Variants in GPC3 observed in about 807,000 individuals in gnomAD.
GPC3 encodes glypican-3.
A neutral mutation model predicts 34.4 loss-of-function variants in GPC3; 3 were observed. The ratio of observed to expected loss-of-function variants is 0.09; its 90% confidence interval spans 0.04 to 0.23. The LOEUF (loss-of-function observed/expected upper bound fraction) is 0.23, where lower values mean the gene tolerates loss of function less well. GPC3 is among the 10% of genes least tolerant of loss of function. The pLI, the probability that GPC3 is intolerant of heterozygous loss-of-function variation, is 1.00. For synonymous variants in GPC3, 177 were observed against 174.0 expected (o/e 1.02, Z -0.13); for missense variants, 351 against 445.6 (o/e 0.79, Z 1.91).
chrX:133,827,786 GA>G (rs1050551560), intron 2 of GPC3, among the ~76,000 whole-genome samples: 12 of 105,048 alleles, frequency 1.1e-4, no homozygotes, highest in African/African-American at 4.2e-4. Context: ...CCATCTCAAA[GA>G]AAAAAAAATT....
intron 2 of GPC3, among the ~76,000 whole-genome samples, chrX:133,884,331 G>A (rs1207318406): frequency 9.0e-6 from 1 of 111,481 alleles, no homozygotes; most frequent in African/African-American, 3.3e-5. Context: ...CATTCCTCCA[G>A]ACTGCAACAA....
chrX:133,847,300 T>C (rs1271218318), intron 2 of GPC3, among the ~76,000 whole-genome samples: 2 of 112,110 alleles, frequency 1.8e-5, no homozygotes. Flanking sequence ...TGGGCACAGA[T>C]ATCTTTTTAA....
intron 6 of GPC3, among the ~76,000 whole-genome samples, chrX:133,617,445 C>T (rs759606381): frequency 4.3e-4 from 48 of 112,135 alleles, no homozygotes; most frequent in Non-Finnish European, 6.8e-4. Flanking sequence ...TCCTTGTCTG[C>T]AATGGTATTA....
chrX:133,839,927 CAAAAAA>C (rs138981758), intron 2 of GPC3, among the ~76,000 whole-genome samples: 4 of 50,087 alleles, frequency 8.0e-5, no homozygotes, highest in East Asian at 1.3e-3. Flanking sequence ...GACTCCGTTT[CAAAAAA>C]AAAAAAAAAA....
intron 6 of GPC3, among the ~76,000 whole-genome samples, chrX:133,598,790 A>G (rs2069949494): frequency 8.9e-6 from 1 of 111,828 alleles, no homozygotes; most frequent in South Asian, 3.7e-4. Context: ...ATTTTGTATC[A>G]TCATCCATGG....
rs746408743 is a variant in GPC3, at chrX:133,627,278, C to T, written c.1414-30679G>A. Among the ~76,000 whole-genome samples the T allele has an allele frequency of 2.0e-3, 220 of 109,472 alleles. 1 individual carries two copies. The highest frequency in any genetic ancestry group is 4.7e-3 in the Middle Eastern group (1 of 215). ...TGTATACATATGTAACAAACCTGCA[C>T]GCTGTGCACATGTACCCTAAAACTT... On this transcript the variant is annotated intron_variant, in intron 6 of 7. Coordinates refer to ENST00000370818, the MANE Select transcript of GPC3 (RefSeq NM_004484.4).
At chrX:133,735,460 C>T (rs1194055872) in intron 3 of GPC3, among the ~76,000 whole-genome samples, 1 of 111,267 alleles carries the variant, frequency 9.0e-6, no homozygotes, top group Non-Finnish European at 1.9e-5. Context: ...AAAATTAGCT[C>T]AAATGAATCA....
At chrX:133,768,688 C>T (rs2071878402) in intron 2 of GPC3, among the ~76,000 whole-genome samples, 1 of 111,791 alleles carries the variant, frequency 8.9e-6, no homozygotes, top group African/African-American at 3.3e-5. Context: ...CCTGTAATCC[C>T]AACACTTTTG....
At position 133,891,417 on chromosome X, in the gene GPC3, A is replaced by T. The variant is rs754144397; in HGVS notation, c.337+61633T>A. 2.7e-5 allele frequency among the ~76,000 whole-genome samples: 3 copies of T among 110,908 alleles called. No homozygotes were observed. In the South Asian group the frequency reaches 1.1e-3, roughly 43 times the overall value. ...ATCCTAACAACACTGAATAGTATGT[A>T]CATTTTAAAAGGGTGAATTTTATAG... On this transcript the variant is annotated intron_variant, in intron 2 of 7. Transcript: ENST00000370818.
At chrX:133,942,434 G>A (rs908753255) in intron 2 of GPC3, among the ~76,000 whole-genome samples, 1 of 111,879 alleles carries the variant, frequency 8.9e-6, no homozygotes, top group Non-Finnish European at 1.9e-5. Context: ...ACAGTAGTAA[G>A]TAAAGGGTAG....
intron 2 of GPC3, among the ~76,000 whole-genome samples, chrX:133,837,567 C>T (rs890945710): frequency 3.6e-5 from 4 of 111,601 alleles, no homozygotes; most frequent in Non-Finnish European, 7.5e-5. Context: ...CTCAGGGTCG[C>T]ACAACCTCCT....
At chrX:133,665,324 C>G (rs1409559801) in intron 5 of GPC3, among the ~76,000 whole-genome samples, 1 of 111,988 alleles carries the variant, frequency 8.9e-6, no homozygotes, top group African/African-American at 3.2e-5. Flanking sequence ...GTAGATAGGG[C>G]ATTAGCTCTT....
At chrX:133,929,563 G>T (rs2076289765) in intron 2 of GPC3, among the ~76,000 whole-genome samples, 1 of 111,415 alleles carries the variant, frequency 9.0e-6, no homozygotes, top group South Asian at 3.9e-4. Context: ...TTTGGTGGCA[G>T]GTGGTCACAG....
intron 7 of GPC3, among the ~76,000 whole-genome samples, chrX:133,544,535 A>G: frequency 9.0e-6 from 1 of 111,244 alleles, no homozygotes; most frequent in Non-Finnish European, 1.9e-5. Context: ...ACTTACTTAC[A>G]TACTTACTAT....
chrX:133,667,655 C>G (rs747245294), intron 5 of GPC3, among the ~76,000 whole-genome samples: 2 of 109,909 alleles, frequency 1.8e-5, no homozygotes, highest in Admixed American at 1.9e-4. Flanking sequence ...GTTTGAGACC[C>G]GCCTGGGCAA....
chrX:133,701,037 T>C (rs1321467723), intron 3 of GPC3, among the ~76,000 whole-genome samples: 1 of 111,692 alleles, frequency 9.0e-6, no homozygotes, highest in African/African-American at 3.3e-5. Flanking sequence ...CTTCCTTCCA[T>C]CTTTTCTCAT....
intron 2 of GPC3, among the ~76,000 whole-genome samples, chrX:133,890,580 G>A (rs764421218): frequency 7.3e-5 from 8 of 110,090 alleles, no homozygotes; most frequent in Non-Finnish European, 1.5e-4. Flanking sequence ...AAAAAAGGTC[G>A]GGTGCGGTGG....
At chrX:133,934,063 G>A (rs1281348734) in intron 2 of GPC3, among the ~76,000 whole-genome samples, 2 of 104,213 alleles carry the variant, frequency 1.9e-5, no homozygotes, top group African/African-American at 7.0e-5. Flanking sequence ...CAGTAGAGAT[G>A]GGGTTTCACC....
intron 6 of GPC3, among the ~76,000 whole-genome samples, chrX:133,597,434 T>A (rs2069930578): frequency 9.0e-6 from 1 of 111,686 alleles, no homozygotes; most frequent in South Asian, 3.8e-4. Context: ...TTGTCCTGGC[T>A]TCTTCCCCAT....
Sources: gnomAD v4.1 joint callset for allele counts (sites outside exome capture counted in the v4.1 genomes callset) on GRCh38, gnomAD v4.1.1 for gene constraint, MANE v1.5 for transcripts, NCBI Gene and HGNC (gene_info 2026-07-23, HGNC 2026-07-21) for gene names.